Variants in CSMD1 observed in about 807,000 individuals in gnomAD.
CSMD1 encodes CUB and Sushi multiple domains 1.
Under a neutral mutation model 417.5 loss-of-function variants are expected in CSMD1, and 213 were observed. The observed-to-expected ratio is 0.51, with a 90% CI of 0.46 to 0.57. The LOEUF (loss-of-function observed/expected upper bound fraction) is 0.57. Among genes scored for constraint, CSMD1 ranks in the 20% least tolerant of loss-of-function variants. The pLI is 0.00. For synonymous variants in CSMD1, 2,862 were observed against 1,736.8 expected (o/e 1.65, Z -16.11); for missense variants, 6,923 against 4,529.7 (o/e 1.53, Z -15.17).
At chr8:3,590,338 A>T (rs949293907) in intron 8 of CSMD1, among the ~76,000 whole-genome samples, 1 of 152,200 alleles carries the variant, frequency 6.6e-6, no homozygotes, top group Non-Finnish European at 1.5e-5. Flanking sequence ...AAAAACACTT[A>T]GGCTGTTTCT....
At chr8:3,257,447 A>G (rs1158582585) in intron 26 of CSMD1, among the ~76,000 whole-genome samples, 5 of 152,234 alleles carry the variant, frequency 3.3e-5, no homozygotes, top group East Asian at 1.9e-4. Context: ...GGAGATAACA[A>G]TACAAAATAC....
chr8:3,286,399 C>A (rs779798003), intron 25 of CSMD1, among the ~76,000 whole-genome samples: 46 of 152,046 alleles, frequency 3.0e-4, no homozygotes, highest in Non-Finnish European at 5.6e-4. Context: ...GAGGAATGGC[C>A]ACACTGACTT....
At chr8:4,199,864 A>G (rs539035601) in intron 3 of CSMD1, among the ~76,000 whole-genome samples, 196 of 152,316 alleles carry the variant, frequency 1.3e-3, no homozygotes, top group African/African-American at 4.4e-3. Flanking sequence ...ACAAGGGCTT[A>G]CCATGACAAT....
chr8:3,596,107 G>C (rs192704655), intron 8 of CSMD1, among the ~76,000 whole-genome samples: 1 of 152,154 alleles, frequency 6.6e-6, no homozygotes. Flanking sequence ...GGCGTTTTGC[G>C]GATCATGCTC....
At chr8:4,934,489 G>A (rs62488185) in intron 1 of CSMD1, among the ~76,000 whole-genome samples, 75,008 of 152,054 alleles carry the variant, frequency 0.49, 20,574 homozygotes, top group Non-Finnish European at 0.62. Context: ...TAGAAAATAC[G>A]AAGAGCTTAT....
At chr8:4,454,780 G>A (rs1799368603) in intron 2 of CSMD1, among the ~76,000 whole-genome samples, 1 of 152,162 alleles carries the variant, frequency 6.6e-6, no homozygotes, top group African/African-American at 2.4e-5. Flanking sequence ...CCATTCTAAA[G>A]GCACTTAAGC....
intron 3 of CSMD1, among the ~76,000 whole-genome samples, chr8:4,377,426 G>A (rs1056724273): frequency 3.3e-5 from 5 of 152,096 alleles, no homozygotes; most frequent in Admixed American, 6.6e-5. Context: ...TTTTCAATGC[G>A]AAGTGAGAGG....
chr8:4,489,894 G>A (rs1401807940), intron 2 of CSMD1, among the ~76,000 whole-genome samples: 3 of 152,176 alleles, frequency 2.0e-5, no homozygotes, highest in African/African-American at 4.8e-5. Flanking sequence ...ACGACCCACA[G>A]ACACCGTGAG....
In CSMD1 at chr8:4,114,178, C is replaced by G. The variant is rs371497064; in HGVS notation, c.416-82079G>C. Among the ~76,000 whole-genome samples the G allele has an allele frequency of 1.6e-4, 24 of 152,296 alleles. No homozygotes were observed. The East Asian group carries it at 2.3e-3, about 15-fold the overall frequency. On this transcript the variant is annotated intron_variant, in intron 3 of 69. Coordinates refer to ENST00000635120, the MANE Select transcript of CSMD1 (RefSeq NM_033225.6). ...AAAAACTTCAAAGGACAGCCTGACT[C>G]CTCTATTAGGAGCTCATGCAGCTGG...
chr8:3,255,468 G>A (rs1421178018), intron 26 of CSMD1, among the ~76,000 whole-genome samples: 1 of 152,338 alleles, frequency 6.6e-6, no homozygotes, highest in East Asian at 1.9e-4. Context: ...CCCCAGAGGT[G>A]GAGCCTACAG....
At chr8:3,403,130 A>C (rs901316732) in intron 15 of CSMD1, among the ~76,000 whole-genome samples, 2 of 152,214 alleles carry the variant, frequency 1.3e-5, no homozygotes, top group Non-Finnish European at 2.9e-5. Context: ...TGAGACCTAT[A>C]ACTTATTTTA....
At chr8:3,619,156 G>A (rs1482544219) in intron 7 of CSMD1, among the ~76,000 whole-genome samples, 1 of 145,724 alleles carries the variant, frequency 6.9e-6, no homozygotes, top group East Asian at 1.9e-4. Context: ...TAGATTCTTT[G>A]GAATATTAAT....
At chr8:4,669,252 C>T (rs999317303) in intron 1 of CSMD1, among the ~76,000 whole-genome samples, 1 of 152,144 alleles carries the variant, frequency 6.6e-6, no homozygotes, top group African/African-American at 2.4e-5. Flanking sequence ...GACATATTTA[C>T]TACTGATTTT....
At chr8:3,895,807 C>A (rs1320094584) in intron 5 of CSMD1, among the ~76,000 whole-genome samples, 1 of 152,160 alleles carries the variant, frequency 6.6e-6, no homozygotes, top group African/African-American at 2.4e-5. Context: ...TCCAGTTGTA[C>A]CTGCAGTGTG....
intron 3 of CSMD1, among the ~76,000 whole-genome samples, chr8:4,414,615 G>A (rs1369848711): frequency 1.3e-5 from 2 of 151,786 alleles, no homozygotes; most frequent in African/African-American, 4.8e-5. Flanking sequence ...TTAAACTTCT[G>A]CATGCGTGGG....
chr8:2,960,543 T>C (rs1036532284), intron 62 of CSMD1, among the ~76,000 whole-genome samples: 1 of 152,234 alleles, frequency 6.6e-6, no homozygotes, highest in African/African-American at 2.4e-5. Flanking sequence ...CACTTTTAGG[T>C]ATTTCTCCAA....
intron 20 of CSMD1, among the ~76,000 whole-genome samples, chr8:3,363,458 G>C (rs1809331632): frequency 6.6e-6 from 1 of 152,168 alleles, no homozygotes; most frequent in Non-Finnish European, 1.5e-5. Context: ...GCATGTCAGA[G>C]ACACCCTCTG....
At chr8:3,992,289 T>C (rs187790036) in intron 5 of CSMD1, among the ~76,000 whole-genome samples, 67 of 152,288 alleles carry the variant, frequency 4.4e-4, no homozygotes, top group African/African-American at 1.6e-3. Context: ...TTGACCCTTT[T>C]GCCTACCTGG....
At chr8:3,012,741 G>A (rs545588249) in intron 52 of CSMD1, among the ~76,000 whole-genome samples, 3 of 152,244 alleles carry the variant, frequency 2.0e-5, no homozygotes, top group Admixed American at 2.0e-4. Context: ...ACAAATGAAA[G>A]GGGATGTGGG....
Sources: allele counts gnomAD v4.1 joint callset (sites outside exome capture counted in the v4.1 genomes callset), GRCh38; gene constraint gnomAD v4.1.1; transcripts MANE v1.5; gene names NCBI Gene and HGNC (gene_info 2026-07-23, HGNC 2026-07-21).